Variants in GNE observed in about 807,000 individuals in gnomAD.
The protein encoded by GNE is glucosamine (UDP-N-acetyl)-2-epimerase/N-acetylmannosamine kinase, also known as bifunctional UDP-N-acetylglucosamine 2-epimerase/N-acetylmannosamine kinase.
Under a neutral mutation model 61.8 loss-of-function variants are expected in GNE, and 41 were observed. That is an observed-to-expected ratio of 0.66 (90% CI 0.52 to 0.86). The LOEUF is 0.86. Among genes scored for constraint, GNE ranks in the 40% least tolerant of loss-of-function variants. The probability of loss-of-function intolerance (pLI) is 0.00; values close to 1 mark genes in which losing one functional copy is unlikely to be tolerated. For synonymous variants in GNE, 264 were observed against 326.4 expected, an observed-to-expected ratio of 0.81 and a Z score of 2.06; for missense variants, 608 against 909.1, an observed-to-expected ratio of 0.67 and a Z score of 4.26.
Position 36,219,949 on chromosome 9 carries a change from G to T in GNE, c.1705C>A (p.His569Asn), listed in dbSNP as rs1192552968. The change falls in exon 10 of 12, where the codon CAC becomes AAC. Residue 569 changes from histidine (H) to asparagine (N), a missense_variant. Physicochemically the swap from His to Asn is moderately conservative, Grantham distance 68. Transcript: ENST00000642385. ...GSSFCAAELG[H>N]LVVSLDGPDC... Reference sequence around the variant, plus strand: ...GGCCCATCCAGAGACACAACAAGGTGGCCCAGTTCTGCAGCACAGAAGGAG... The same window carrying T: ...GGCCCATCCAGAGACACAACAAGGTTGCCCAGTTCTGCAGCACAGAAGGAG... The T allele has an allele frequency of 6.2e-7, 1 of 1,613,964 alleles. No individual in the cohort carries two copies. Among genetic ancestry groups the T allele is most frequent in the Admixed American group, 1.7e-5 (1 of 60,006 alleles).
chr9:36,273,450 C>G (rs1379262129), intron 1 of GNE, among the ~76,000 whole-genome samples: 6 of 151,798 alleles, frequency 4.0e-5, no homozygotes, highest in Non-Finnish European at 8.8e-5. Context: ...CTCCTGATCT[C>G]AGATGATCCA....
intron 1 of GNE, among the ~76,000 whole-genome samples, chr9:36,257,802 C>CAAAAAAAAAAAAAAAAAA (rs60845805): frequency 4.0e-5 from 1 of 25,242 alleles, no homozygotes; most frequent in African/African-American, 1.3e-4. Context: ...GACTCAGTCT[C>CAAAAAAAAAAAAAAAAAA]AAAAAAAAAA....
chr9:36,239,877 ATTATTTTATTTTAC>A (rs1829562996), intron 3 of GNE, among the ~76,000 whole-genome samples: 1 of 151,302 alleles, frequency 6.6e-6, no homozygotes, highest in Non-Finnish European at 1.5e-5. Flanking sequence ...ATTTCATTTT[ATTATTTTATTTTAC>A]TTATTTTATT....
intron 1 of GNE, among the ~76,000 whole-genome samples, chr9:36,272,620 CAAAAAAAAAAAA>C (rs58934783): frequency 1.3e-5 from 1 of 74,094 alleles, no homozygotes; most frequent in Non-Finnish European, 2.4e-5. Context: ...GACTCCGCCT[CAAAAAAAAAAAA>C]AAAAAAAAAA....
chr9:36,229,590 C>T (rs1344096871), intron 5 of GNE, among the ~76,000 whole-genome samples: 6 of 152,042 alleles, frequency 3.9e-5, no homozygotes, highest in African/African-American at 7.3e-5. Context: ...GAAGAGTGGA[C>T]GAGTAACATC....
intron 1 of GNE, among the ~76,000 whole-genome samples, chr9:36,266,510 A>C (rs537769801): frequency 5.3e-4 from 80 of 152,344 alleles, no homozygotes; most frequent in African/African-American, 1.6e-3. Context: ...GTAGTGGCTC[A>C]TGCCTGTAAT....
intron 6 of GNE, 86 bp from the exon 7 acceptor site, chr9:36,227,544 G>T: frequency 1.2e-6 from 1 of 857,328 alleles, no homozygotes; most frequent in South Asian, 1.4e-5. Context: ...TGGAAACTGA[G>T]ACTTCAGGTA....
At chr9:36,251,927 T>C (rs1198550357) in intron 1 of GNE, among the ~76,000 whole-genome samples, 2 of 151,638 alleles carry the variant, frequency 1.3e-5, no homozygotes, top group African/African-American at 4.8e-5. Context: ...ACTTACAATA[T>C]AACGAAACGG....
In GNE at chr9:36,272,482, G is replaced by A. The variant is rs531110459; in HGVS notation, c.51+4412C>T. On this transcript the variant is annotated intron_variant, in intron 1 of 11. Transcript: ENST00000396594. ...TAAAAATACAAAAAATTATCTGGGC[G>A]TGGTGGCGGGCCCCTGTAGTCCCAG... is the stretch of plus-strand genomic sequence containing the variant. Among the ~76,000 whole-genome samples, 11 of 151,970 alleles carry A rather than the reference G, an allele frequency of 7.2e-5. No homozygotes were observed. In the South Asian group the frequency reaches 1.5e-3, roughly 20 times the overall value.
intron 1 of GNE, among the ~76,000 whole-genome samples, chr9:36,274,461 A>G (rs1831180636): frequency 6.6e-6 from 1 of 151,910 alleles, no homozygotes; most frequent in African/African-American, 2.4e-5. Context: ...CCAACTGCCC[A>G]TGTACCTAGT....
chr9:36,229,109 C>T lies in GNE; in HGVS notation c.983-1G>A. The T allele has an allele frequency of 6.4e-7, 1 of 1,569,156 alleles. No homozygotes were observed. Among genetic ancestry groups the T allele is most frequent in the Non-Finnish European group, 8.8e-7 (1 of 1,139,092 alleles). ...TCCCGGACATGAAGAACATTCTCCC[C>T]TAGGTAAAACCAGTGACACATTACA... is the stretch of plus-strand genomic sequence containing the variant. On this transcript the variant is annotated splice_acceptor_variant, in intron 5 of 11. Transcript: ENST00000642385. LOFTEE classifies it high-confidence loss of function.
At chr9:36,231,436 T>A (rs532034134) in intron 5 of GNE, among the ~76,000 whole-genome samples, 1 of 152,276 alleles carries the variant, frequency 6.6e-6, no homozygotes, top group East Asian at 1.9e-4. Context: ...CAGAACAGTA[T>A]CATTTCAGAC....
chr9:36,258,648 C>T, upstream of GNE: 1 of 416,696 alleles, frequency 2.4e-6, no homozygotes, highest in Non-Finnish European at 3.2e-6. Context: ...TGGCCTCTGC[C>T]GCGCTGGAGC....
At chr9:36,236,678 C>T (rs1339146720) in intron 4 of GNE, among the ~76,000 whole-genome samples, 154 bp downstream of exon 4, 1 of 152,114 alleles carries the variant, frequency 6.6e-6, no homozygotes, top group Non-Finnish European at 1.5e-5. Flanking sequence ...TGAGTTATAG[C>T]AAAATTGGTA....
chr9:36,246,796 G>A (rs1036138290), intron 2 of GNE, among the ~76,000 whole-genome samples: 2 of 150,968 alleles, frequency 1.3e-5, no homozygotes, highest in Non-Finnish European at 2.9e-5. Flanking sequence ...AGCCTCCTGC[G>A]TAGCTGGGAT....
chr9:36,237,512 G>C (rs1358359661), intron 3 of GNE, among the ~76,000 whole-genome samples: 1 of 152,126 alleles, frequency 6.6e-6, no homozygotes, highest in Non-Finnish European at 1.5e-5. Flanking sequence ...CCTAGGCTGG[G>C]ATCCCAAGGA....
rs1413705041 is a variant in GNE at position 36,227,345 on chromosome 9, T to G, written c.1184A>C (p.Asn395Thr). ...KKFCFPPVKE[N>T]ISQDIDHILE... ...AATATGGTCAATATCTTGAGAGATA[T>G]TCTCCTTCACAGGAGGAAAGCAGAA... The change falls in exon 7 of 12, where the codon AAT (asparagine) becomes ACT (threonine). Residue 395 changes from asparagine (N) to threonine (T), a missense_variant. By Grantham distance (65) the Asn-to-Thr change is moderately conservative. Transcript: ENST00000642385. The G allele has an allele frequency of 2.5e-6, 4 of 1,612,352 alleles. No homozygotes were observed. Among genetic ancestry groups the G allele is most frequent in the South Asian group, 1.1e-5 (1 of 91,050 alleles).
Position 36,254,205 on chromosome 9 carries a change from A to AAAATAAATAAATAAAT in GNE, c.-43+4100_-43+4115dup, listed in dbSNP as rs60990459. ...GGGCAAAAGAGTGAGACTTTGTCTC[A>AAAATAAATAAATAAAT]AAATAAATAAATAAATAAATAAATA... On this transcript the variant is annotated intron_variant, in intron 1 of 11. Transcript: ENST00000642385. Among the ~76,000 whole-genome samples, 765 of 144,858 alleles carry AAAATAAATAAATAAAT rather than the reference A, an allele frequency of 5.3e-3. 7 individuals are homozygous for AAAATAAATAAATAAAT. Among genetic ancestry groups the AAAATAAATAAATAAAT allele is most frequent in the African/African-American group, 0.018 (708 of 38,718 alleles).
In GNE at chr9:36,236,990, TAAAGAA is replaced by T; in HGVS notation, c.617-12_617-7del. 6.2e-7 allele frequency: 1 copy of T among 1,607,310 alleles called. No homozygotes were observed. Among genetic ancestry groups the T allele is most frequent in the Non-Finnish European group, 8.5e-7 (1 of 1,174,226 alleles). Reference sequence around the variant, plus strand: ...TTTAGATTTTACATCATCACCTGTTTAAAGAAAATCAAACCACATTGCTTCATTAGT... The same window carrying T: ...TTTAGATTTTACATCATCACCTGTTTAATCAAACCACATTGCTTCATTAGT... On this transcript the variant is annotated splice_polypyrimidine_tract_variant and splice_region_variant and intron_variant, in intron 3 of 11. Coordinates refer to ENST00000642385, the MANE Select transcript of GNE (RefSeq NM_005476.7).
Sources: allele counts gnomAD v4.1 joint callset (sites outside exome capture counted in the v4.1 genomes callset), GRCh38; gene constraint gnomAD v4.1.1; transcripts MANE v1.5; gene names NCBI Gene and HGNC (gene_info 2026-07-23, HGNC 2026-07-21).